The following CDH22 variants were observed in gnomAD, a reference collection of about 807,000 sequenced individuals.
CDH22 encodes cadherin-22.
Under a neutral mutation model 58.4 loss-of-function variants are expected in CDH22, and 30 were observed. That is an observed-to-expected ratio of 0.51 (90% CI 0.38 to 0.70). The LOEUF is 0.70. Among genes scored for constraint, CDH22 ranks in the 30% least tolerant of loss-of-function variants. CDH22 has a pLI of 0.00. For synonymous variants in CDH22, 513 were observed against 558.2 expected, an observed-to-expected ratio of 0.92 and a Z score of 1.14; for missense variants, 1,014 against 1,233.9, an observed-to-expected ratio of 0.82 and a Z score of 2.67.
Position 46,288,326 on chromosome 20 carries a change from C to T in CDH22, c.-400+19929G>A, listed in dbSNP as rs116740204. On this transcript the variant is annotated intron_variant, in intron 1 of 11. Coordinates refer to ENST00000537909, the MANE Select transcript of CDH22 (RefSeq NM_021248.3). ...TCCCAGCACCCTGTACCTCATAGAG[C>T]TCTTGGCTCCTTCAGTTTCCTCTGC... Among the ~76,000 whole-genome samples, 256 of 152,284 alleles carry T rather than the reference C, an allele frequency of 1.7e-3. 1 individual carries two copies. Among genetic ancestry groups the T allele is most frequent in the African/African-American group, 5.6e-3 (232 of 41,540 alleles).
chr20:46,226,579 G>A (rs1384688162), intron 4 of CDH22, among the ~76,000 whole-genome samples: 1 of 152,040 alleles, frequency 6.6e-6, no homozygotes, highest in South Asian at 2.1e-4. Flanking sequence ...CACTGCACCC[G>A]CAGACACTTT....
At chr20:46,295,293 A>G (rs2086624231) in intron 1 of CDH22, among the ~76,000 whole-genome samples, 1 of 152,150 alleles carries the variant, frequency 6.6e-6, no homozygotes, top group Non-Finnish European at 1.5e-5. Context: ...AAAGAGGCCA[A>G]CTTGACAGGA....
In CDH22 at chr20:46,300,762, C is replaced by T. The variant is rs1337368877; in HGVS notation, c.-400+7493G>A. ...GCTTCTACTTGAGGAATCTGGTGAG[C>T]GCCACACGACTCCTGCCAAAAACGT... On this transcript the variant is annotated intron_variant, in intron 1 of 11. Transcript: ENST00000537909. The surrounding 1 kb of genome is among the most constrained non-coding windows in gnomAD (Gnocchi z 4.4). Among the ~76,000 whole-genome samples the T allele has an allele frequency of 2.0e-5, 3 of 152,202 alleles. No homozygotes were observed. The highest frequency in any genetic ancestry group is 4.4e-5 in the Non-Finnish European group (3 of 68,040).
At chr20:46,177,836 C>G in intron 11 of CDH22, 110 bp downstream of exon 11, 2 of 1,383,080 alleles carry the variant, frequency 1.4e-6, no homozygotes, top group African/African-American at 2.9e-5. Flanking sequence ...GCCAGCCCAT[C>G]CTCATGTGGA....
At chr20:46,239,763 G>A (rs1401260756) in intron 3 of CDH22, among the ~76,000 whole-genome samples, 1 of 152,222 alleles carries the variant, frequency 6.6e-6, no homozygotes, top group Non-Finnish European at 1.5e-5. Context: ...GCAGCTATTG[G>A]CTTGTGCCCC....
intron 8 of CDH22, among the ~76,000 whole-genome samples, chr20:46,190,798 G>A (rs953358956): frequency 1.3e-5 from 2 of 151,916 alleles, no homozygotes; most frequent in Admixed American, 6.6e-5. Context: ...CCATTAATCC[G>A]GGGGGGTGGC....
At chr20:46,265,637 C>T (rs932365752) in intron 1 of CDH22, among the ~76,000 whole-genome samples, 2 of 152,156 alleles carry the variant, frequency 1.3e-5, no homozygotes, top group African/African-American at 4.8e-5. Context: ...GTATATCATA[C>T]TGAATGGTCT....
At chr20:46,265,051 G>A (rs1032702115) in intron 1 of CDH22, among the ~76,000 whole-genome samples, 6 of 152,026 alleles carry the variant, frequency 3.9e-5, no homozygotes, top group Admixed American at 2.0e-4. Flanking sequence ...CCCGTGTGCC[G>A]GTGCCACCGG....
At chr20:46,304,796 A>C (rs942624058) in intron 1 of CDH22, among the ~76,000 whole-genome samples, 2 of 152,220 alleles carry the variant, frequency 1.3e-5, no homozygotes, top group African/African-American at 4.8e-5. Context: ...TAACCCCCAG[A>C]TGGGCCACCT....
intron 7 of CDH22, among the ~76,000 whole-genome samples, chr20:46,206,011 C>T (rs1187192826): frequency 1.3e-5 from 2 of 152,220 alleles, no homozygotes; most frequent in Non-Finnish European, 2.9e-5. Context: ...AAACTACTCA[C>T]CCCTCCCTGG....
intron 3 of CDH22, among the ~76,000 whole-genome samples, chr20:46,230,860 TA>T (rs1157152266): frequency 6.6e-6 from 1 of 152,178 alleles, no homozygotes; most frequent in Non-Finnish European, 1.5e-5. Context: ...CCAAGGACAG[TA>T]CCTTGACAAG....
At chr20:46,224,833 A>G (rs2086159501) in intron 4 of CDH22, among the ~76,000 whole-genome samples, 1 of 150,262 alleles carries the variant, frequency 6.7e-6, no homozygotes, top group Non-Finnish European at 1.5e-5. Flanking sequence ...AATCCTCACT[A>G]TGAATTCTTC....
chr20:46,291,855 C>A (rs2086605041), intron 1 of CDH22, among the ~76,000 whole-genome samples: 1 of 152,250 alleles, frequency 6.6e-6, no homozygotes. Flanking sequence ...GGCTGGATAA[C>A]CCTTTGTTGG....
In CDH22 at chr20:46,174,849, C is replaced by A; in HGVS notation, c.2144G>T (p.Gly715Val). 5.4e-6 allele frequency: 7 copies of A among 1,293,232 alleles called. No homozygotes were observed. The highest frequency in any genetic ancestry group is 6.9e-6 in the Non-Finnish European group (7 of 1,015,872). The allele number at this position is 1,293,232 out of a possible 1,614,324, so 80.1% of individuals were successfully genotyped here. ...CTGCGGGGGGCTGCCCGCGCCCCCG[C>A]CCGAGCCCCCGCCCGCTCCCCCGCC... is the stretch of plus-strand genomic sequence containing the variant. ...SAGGGAGGGSGGGAGSPPQAH... is the reference protein window; with the variant it reads ...SAGGGAGGGSVGGAGSPPQAH... The change falls in exon 12 of 12, where the codon GGC becomes GTC. Residue 715 changes from glycine (G) to valine (V), a missense_variant. Physicochemically the swap from Gly to Val is moderately radical, Grantham distance 109 (BLOSUM62 -3). Transcript: ENST00000537909. This position sits in a 1 kb window ranked among gnomAD's most constrained non-coding sequence, Gnocchi z 4.4.
At chr20:46,294,058 C>T (rs1682660758) in intron 1 of CDH22, among the ~76,000 whole-genome samples, 1 of 152,146 alleles carries the variant, frequency 6.6e-6, no homozygotes, top group Non-Finnish European at 1.5e-5. Context: ...ATTGGAGTCT[C>T]AGTTTCTTCA....
At chr20:46,191,600 G>A (rs2085862397) in intron 8 of CDH22, among the ~76,000 whole-genome samples, 1 of 152,206 alleles carries the variant, frequency 6.6e-6, no homozygotes, top group South Asian at 2.1e-4. Flanking sequence ...CACGGTGGGA[G>A]GCAGGGAGTG....
At chr20:46,268,354 C>T (rs921002689) in intron 1 of CDH22, among the ~76,000 whole-genome samples, 8 of 152,368 alleles carry the variant, frequency 5.3e-5, no homozygotes, top group South Asian at 4.1e-4. Context: ...TGGCGGCCAC[C>T]GCCTGCCTCG....
intron 1 of CDH22, among the ~76,000 whole-genome samples, chr20:46,258,428 C>CTCCTCTACT (rs1568676290): frequency 6.6e-6 from 1 of 152,170 alleles, no homozygotes; most frequent in Non-Finnish European, 1.5e-5. Flanking sequence ...CCTGCACCCC[C>CTCCTCTACT]TCCTCTACTC....
intron 10 of CDH22, among the ~76,000 whole-genome samples, chr20:46,182,759 G>A (rs930040789): frequency 6.6e-6 from 1 of 152,262 alleles, no homozygotes; most frequent in Non-Finnish European, 1.5e-5. Context: ...ATCCCTGGCT[G>A]CAAAGGCAAT....
Sources: gnomAD v4.1 joint callset for allele counts (sites outside exome capture counted in the v4.1 genomes callset) on GRCh38, gnomAD v4.1.1 for gene constraint, Gnocchi (gnomAD v3.1) non-coding constraint, MANE v1.5 for transcripts, NCBI Gene and HGNC (gene_info 2026-07-23, HGNC 2026-07-21) for gene names.